KCNG3: variants seen among roughly 807,000 people sequenced by gnomAD.
The protein encoded by KCNG3 is voltage-gated potassium channel regulatory subunit KCNG3.
In KCNG3, 15 loss-of-function variants were observed where a neutral mutation model predicts 29.0. That is an observed-to-expected ratio of 0.52 (90% CI 0.35 to 0.80). The LOEUF is 0.80. KCNG3 is among the 30% of genes least tolerant of loss of function. The pLI, the probability that KCNG3 is intolerant of heterozygous loss-of-function variation, is 0.01. For synonymous variants in KCNG3, 322 were observed against 248.9 expected, an observed-to-expected ratio of 1.29 and a Z score of -2.76; for missense variants, 512 against 605.7, an observed-to-expected ratio of 0.85 and a Z score of 1.62.
the KCNG3 span, among the ~76,000 whole-genome samples, chr2:42,410,834 A>T: frequency 6.6e-6 from 1 of 152,072 alleles, no homozygotes; most frequent in Non-Finnish European, 1.5e-5. Context: ...GCAATGCAAA[A>T]CTGTACAGTC....
At chr2:42,417,966 C>T in the KCNG3 span, among the ~76,000 whole-genome samples, 1 of 150,426 alleles carries the variant, frequency 6.6e-6, no homozygotes, top group African/African-American at 2.4e-5. Flanking sequence ...AGTGAGACTC[C>T]ATCTCAAAAA....
At chr2:42,439,870 T>C (rs1672437261), downstream of KCNG3, among the ~76,000 whole-genome samples, 1 of 151,894 alleles carries the variant, frequency 6.6e-6, no homozygotes, top group Non-Finnish European at 1.5e-5. Context: ...CTCGAACTCC[T>C]GATTTCAGGT....
chr2:42,484,183 C>T (rs555010139), intron 1 of KCNG3, among the ~76,000 whole-genome samples: 2 of 151,392 alleles, frequency 1.3e-5, no homozygotes, highest in South Asian at 2.1e-4. Flanking sequence ...AAAATCTGAC[C>T]GGGTGCTGTG....
the KCNG3 span, among the ~76,000 whole-genome samples, chr2:42,426,228 G>A: frequency 1.3e-5 from 2 of 152,110 alleles, no homozygotes; most frequent in African/African-American, 4.8e-5. Context: ...CCAAATGACT[G>A]CATACTTTAA....
the KCNG3 span, among the ~76,000 whole-genome samples, chr2:42,427,759 A>G: frequency 2.6e-5 from 4 of 152,238 alleles, no homozygotes; most frequent in African/African-American, 9.6e-5. Context: ...TATTCATAAT[A>G]TATTTTAAAA....
the KCNG3 span, among the ~76,000 whole-genome samples, chr2:42,417,148 C>T: frequency 1.3e-5 from 2 of 151,990 alleles, no homozygotes; most frequent in African/African-American, 4.8e-5. Flanking sequence ...GAGGCTGAGG[C>T]AAGAGAATCG....
At chr2:42,483,336 A>G (rs1032741331) in intron 1 of KCNG3, among the ~76,000 whole-genome samples, 3 of 152,236 alleles carry the variant, frequency 2.0e-5, no homozygotes, top group African/African-American at 7.2e-5. Context: ...TTAAAGCACA[A>G]TCCTTTTAAC....
chr2:42,479,885 G>A (rs1236613526), intron 1 of KCNG3, among the ~76,000 whole-genome samples: 1 of 152,088 alleles, frequency 6.6e-6, no homozygotes, highest in Non-Finnish European at 1.5e-5. Flanking sequence ...GTTGGTACAT[G>A]TCTGTAACCC....
chr2:42,403,427 G>C, the KCNG3 span, among the ~76,000 whole-genome samples: 1 of 150,690 alleles, frequency 6.6e-6, no homozygotes, highest in Non-Finnish European at 1.5e-5. Flanking sequence ...ACAGGCATGA[G>C]CCACCATACC....
intron 1 of KCNG3, among the ~76,000 whole-genome samples, chr2:42,448,769 C>A (rs531369279): frequency 1.3e-5 from 2 of 152,100 alleles, no homozygotes; most frequent in Non-Finnish European, 2.9e-5. Context: ...GCGGGCGGAT[C>A]ATGAGGTCAA....
chr2:42,477,422 C>CAGACACAG, intron 1 of KCNG3, among the ~76,000 whole-genome samples: 1 of 40,792 alleles, frequency 2.5e-5, no homozygotes, highest in African/African-American at 6.6e-5. Flanking sequence ...CACACACACA[C>CAGACACAG]ATATATTTTT....
At chr2:42,417,854 C>T in the KCNG3 span, among the ~76,000 whole-genome samples, 3 of 151,960 alleles carry the variant, frequency 2.0e-5, no homozygotes, top group Non-Finnish European at 4.4e-5. Context: ...CGCCTGTAGT[C>T]CCAGCTACTT....
chr2:42,395,950 T>C, the KCNG3 span, among the ~76,000 whole-genome samples: 1 of 151,972 alleles, frequency 6.6e-6, no homozygotes, highest in African/African-American at 2.4e-5. Flanking sequence ...CAAAACCTTG[T>C]TTCAAAAAAA....
chr2:42,435,853 C>T, the KCNG3 span, among the ~76,000 whole-genome samples: 1 of 152,172 alleles, frequency 6.6e-6, no homozygotes, highest in South Asian at 2.1e-4. Flanking sequence ...AAAAGTTAAA[C>T]ATTAGCATCT....
the KCNG3 span, among the ~76,000 whole-genome samples, chr2:42,436,216 T>C: frequency 5.9e-5 from 9 of 151,906 alleles, no homozygotes; most frequent in African/African-American, 1.9e-4. Flanking sequence ...AGTAGATTAG[T>C]GGTTGCCAGG....
At chr2:42,437,031 G>A (rs1231957037), downstream of KCNG3, among the ~76,000 whole-genome samples, 1 of 152,056 alleles carries the variant, frequency 6.6e-6, no homozygotes, top group Non-Finnish European at 1.5e-5. Flanking sequence ...TCTACCATTA[G>A]GTAAAATATG....
chr2:42,428,156 GA>G, the KCNG3 span, among the ~76,000 whole-genome samples: 3 of 150,708 alleles, frequency 2.0e-5, no homozygotes, highest in East Asian at 1.9e-4. Context: ...TAACAAGGTA[GA>G]TTTTTTTTTT....
chr2:42,433,001 C>T, the KCNG3 span, among the ~76,000 whole-genome samples: 7 of 149,840 alleles, frequency 4.7e-5, no homozygotes, highest in Non-Finnish European at 3.0e-5. Flanking sequence ...GATAGTTCCT[C>T]AACCAAGTAA....
At chr2:42,490,995 A>G (rs908576947) in intron 1 of KCNG3, among the ~76,000 whole-genome samples, 10 of 152,154 alleles carry the variant, frequency 6.6e-5, no homozygotes, top group African/African-American at 2.2e-4. Flanking sequence ...ATATACCTAC[A>G]CTCAGACAGT....
Sources: allele counts gnomAD v4.1 joint callset (sites outside exome capture counted in the v4.1 genomes callset), GRCh38; gene constraint gnomAD v4.1.1; transcripts MANE v1.5; gene names NCBI Gene and HGNC (gene_info 2026-07-23, HGNC 2026-07-21).